The following RAD51B variants were observed in gnomAD, a reference collection of about 807,000 sequenced individuals.
RAD51B encodes the protein DNA repair protein RAD51 homolog 2.
A neutral mutation model predicts 42.2 loss-of-function variants in RAD51B; 38 were observed. That is an observed-to-expected ratio of 0.90 (90% CI 0.70 to 1.18). RAD51B has a LOEUF of 1.18. RAD51B is among the 50% of genes most tolerant of loss of function. The pLI is 0.00. For missense variants in RAD51B, 373 were observed against 400.7 expected, an observed-to-expected ratio of 0.93 and a Z score of 0.59; for synonymous variants, 154 against 145.2, an observed-to-expected ratio of 1.06 and a Z score of -0.43.
At chr14:68,113,110 T>C (rs552348693) in intron 7 of RAD51B, among the ~76,000 whole-genome samples, 1 of 152,220 alleles carries the variant, frequency 6.6e-6, no homozygotes, top group Non-Finnish European at 1.5e-5. Context: ...AATTAATTCT[T>C]ACTAGAATTT....
chr14:68,206,571 G>A (rs2079590020), intron 7 of RAD51B, among the ~76,000 whole-genome samples: 1 of 151,946 alleles, frequency 6.6e-6, no homozygotes, highest in Non-Finnish European at 1.5e-5. Flanking sequence ...TACTGGTCAT[G>A]GAATCCACTG....
intron 10 of RAD51B, among the ~76,000 whole-genome samples, chr14:68,577,484 C>G (rs1890013499): frequency 6.6e-6 from 1 of 151,106 alleles, no homozygotes; most frequent in Non-Finnish European, 1.5e-5. Context: ...TGCTTTTACT[C>G]ATTATTCATC....
intron 7 of RAD51B, among the ~76,000 whole-genome samples, chr14:68,235,023 G>A (rs2080218450): frequency 6.6e-6 from 1 of 152,124 alleles, no homozygotes; most frequent in African/African-American, 2.4e-5. Context: ...TTGTTTTACA[G>A]TAAAATATTT....
At chr14:68,474,228 A>G (rs1184716208) in intron 10 of RAD51B, among the ~76,000 whole-genome samples, 1 of 122,736 alleles carries the variant, frequency 8.1e-6, no homozygotes. Flanking sequence ...CAGAGTGTCT[A>G]CACGTTTCCA....
intron 10 of RAD51B, among the ~76,000 whole-genome samples, chr14:68,649,922 CCTT>C (rs1311887912): frequency 1.3e-5 from 2 of 152,206 alleles, no homozygotes; most frequent in African/African-American, 4.8e-5. Context: ...AGGTGAGACT[CCTT>C]CTGCCTTAAG....
intron 7 of RAD51B, among the ~76,000 whole-genome samples, chr14:67,983,270 A>G (rs1410068859): frequency 6.6e-6 from 1 of 152,178 alleles, no homozygotes; most frequent in African/African-American, 2.4e-5. Flanking sequence ...ATTTATCATT[A>G]TGTAAGTAAG....
intron 8 of RAD51B, among the ~76,000 whole-genome samples, chr14:68,406,916 A>G (rs1214067195): frequency 6.6e-6 from 1 of 152,170 alleles, no homozygotes; most frequent in Non-Finnish European, 1.5e-5. Context: ...ACACAGGATC[A>G]ATATCATCAA....
At chr14:68,101,083 A>G (rs2140550684) in intron 7 of RAD51B, among the ~76,000 whole-genome samples, 1 of 152,274 alleles carries the variant, frequency 6.6e-6, no homozygotes, top group South Asian at 2.1e-4. Flanking sequence ...TTATAAAACC[A>G]TCAGATCTCG....
intron 7 of RAD51B, among the ~76,000 whole-genome samples, chr14:68,243,073 A>G (rs2080425966): frequency 1.3e-5 from 2 of 152,208 alleles, no homozygotes; most frequent in Non-Finnish European, 2.9e-5. Context: ...TGTGTGCATC[A>G]TATATTATTT....
chr14:67,828,251 C>CT (rs957654845), intron 3 of RAD51B, among the ~76,000 whole-genome samples: 19 of 150,382 alleles, frequency 1.3e-4, no homozygotes, highest in Middle Eastern at 3.5e-3. Flanking sequence ...TGATGTTGAG[C>CT]TTTTTTTTTC....
intron 8 of RAD51B, among the ~76,000 whole-genome samples, chr14:68,369,884 C>T (rs1458007700): frequency 6.6e-6 from 1 of 152,086 alleles, no homozygotes; most frequent in Non-Finnish European, 1.5e-5. Flanking sequence ...CTATTTTGTG[C>T]TGCAAAAACA....
intron 8 of RAD51B, among the ~76,000 whole-genome samples, chr14:68,364,040 T>G (rs935438545): frequency 6.6e-6 from 1 of 152,162 alleles, no homozygotes; most frequent in Non-Finnish European, 1.5e-5. Context: ...GCGGGGAGTG[T>G]GTGGCGAAGG....
intron 7 of RAD51B, among the ~76,000 whole-genome samples, chr14:68,053,578 A>G (rs2076427991): frequency 6.6e-6 from 1 of 152,198 alleles, no homozygotes; most frequent in Non-Finnish European, 1.5e-5. Flanking sequence ...TGAGAATGAG[A>G]AGATAGAATG....
At chr14:68,228,864 G>A (rs916933610) in intron 7 of RAD51B, among the ~76,000 whole-genome samples, 1 of 152,154 alleles carries the variant, frequency 6.6e-6, no homozygotes, top group African/African-American at 2.4e-5. Flanking sequence ...GATTGCTAAG[G>A]TTCCTTCCAG....
intron 7 of RAD51B, among the ~76,000 whole-genome samples, chr14:67,958,592 A>G (rs959645242): frequency 6.6e-6 from 1 of 152,232 alleles, no homozygotes; most frequent in Non-Finnish European, 1.5e-5. Context: ...CTATAGTAAA[A>G]AACAATATTT....
chr14:68,652,234 C>G (rs1892717217), intron 11 of RAD51B, among the ~76,000 whole-genome samples: 1 of 152,352 alleles, frequency 6.6e-6, no homozygotes, highest in African/African-American at 2.4e-5. Flanking sequence ...GTCTGCGCTC[C>G]AGATGCCGAG....
intron 7 of RAD51B, among the ~76,000 whole-genome samples, chr14:67,909,480 T>G (rs1286963029): frequency 1.3e-5 from 2 of 152,222 alleles, no homozygotes; most frequent in Non-Finnish European, 2.9e-5. Flanking sequence ...TGACTTATTC[T>G]GTACTTATCA....
intron 7 of RAD51B, among the ~76,000 whole-genome samples, chr14:67,923,590 C>T (rs919239202): frequency 3.3e-5 from 5 of 152,150 alleles, no homozygotes; most frequent in African/African-American, 4.8e-5. Context: ...TGAGCCACTG[C>T]GACCAGCAGT....
intron 8 of RAD51B, among the ~76,000 whole-genome samples, chr14:68,331,367 CAAAAAAAAAAAAA>C (rs778136542): frequency 6.1e-5 from 2 of 32,948 alleles, no homozygotes; most frequent in Non-Finnish European, 1.5e-4. Flanking sequence ...GACTCTGTCT[CAAAAAAAAAAAAA>C]AAAAAGCAAT....
Sources: gnomAD v4.1 joint callset for allele counts (sites outside exome capture counted in the v4.1 genomes callset) on GRCh38, gnomAD v4.1.1 for gene constraint, MANE v1.5 for transcripts, NCBI Gene and HGNC (gene_info 2026-07-23, HGNC 2026-07-21) for gene names.